The following SLC25A21 variants were observed in gnomAD, a reference collection of about 807,000 sequenced individuals.
The protein encoded by SLC25A21 is mitochondrial 2-oxodicarboxylate carrier.
In SLC25A21, 47 loss-of-function variants were observed where a neutral mutation model predicts 43.8. The observed-to-expected ratio is 1.07, with a 90% CI of 0.85 to 1.37. SLC25A21 has a LOEUF of 1.37. SLC25A21 is among the 40% of genes most tolerant of loss of function. SLC25A21 has a pLI of 0.00. For synonymous variants in SLC25A21, 131 were observed against 121.3 expected (o/e 1.08, Z -0.52); for missense variants, 352 against 350.2 (o/e 1.00, Z -0.04).
chr14:36,895,390 C>A (rs1891209362), intron 1 of SLC25A21, among the ~76,000 whole-genome samples: 1 of 152,024 alleles, frequency 6.6e-6, no homozygotes, highest in South Asian at 2.1e-4. Flanking sequence ...GGTGATATCC[C>A]CTTTATCATT....
intron 1 of SLC25A21, among the ~76,000 whole-genome samples, chr14:36,945,075 C>T (rs919994624): frequency 2.6e-5 from 4 of 152,120 alleles, no homozygotes; most frequent in African/African-American, 7.2e-5. Flanking sequence ...AAACCTCTTT[C>T]CCCTGACTCA....
At chr14:36,804,556 G>T (rs1290783969) in intron 3 of SLC25A21, among the ~76,000 whole-genome samples, 6 of 152,146 alleles carry the variant, frequency 3.9e-5, no homozygotes, top group Non-Finnish European at 8.8e-5. Context: ...TTTCACAAAC[G>T]ATAAAGGACC....
chr14:37,037,577 T>C (rs953853556), intron 1 of SLC25A21, among the ~76,000 whole-genome samples: 3 of 119,192 alleles, frequency 2.5e-5, no homozygotes, highest in Non-Finnish European at 4.9e-5. Flanking sequence ...TTTTCTTTTA[T>C]CCTATTTAAA....
intron 1 of SLC25A21, among the ~76,000 whole-genome samples, chr14:36,934,720 A>AAGAG (rs71124785): frequency 0.017 from 2,611 of 150,742 alleles, 67 homozygotes; most frequent in African/African-American, 0.059. Context: ...ACACAGAGAA[A>AAGAG]AGAGAGAGAG....
At chr14:37,014,791 G>C (rs1960809846) in intron 1 of SLC25A21, among the ~76,000 whole-genome samples, 1 of 152,080 alleles carries the variant, frequency 6.6e-6, no homozygotes, top group African/African-American at 2.4e-5. Flanking sequence ...CAATCCATGG[G>C]CTGCAGAATA....
chr14:36,789,611 T>C (rs1347560571), intron 3 of SLC25A21, among the ~76,000 whole-genome samples: 3 of 147,744 alleles, frequency 2.0e-5, no homozygotes, highest in Non-Finnish European at 4.5e-5. Flanking sequence ...TTAAGAAAAA[T>C]ATAAAAACCT....
chr14:37,047,656 C>T (rs7149490), intron 1 of SLC25A21, among the ~76,000 whole-genome samples: 60,076 of 152,056 alleles, frequency 0.4, 12,656 homozygotes, highest in African/African-American at 0.55. Flanking sequence ...AGTTTTGAAA[C>T]GAATCAGTAA....
At chr14:37,069,537 T>C (rs1471682443) in intron 1 of SLC25A21, among the ~76,000 whole-genome samples, 2 of 152,232 alleles carry the variant, frequency 1.3e-5, no homozygotes, top group Non-Finnish European at 2.9e-5. Context: ...CAGTACCACA[T>C]GCATCCTAAT....
intron 2 of SLC25A21, among the ~76,000 whole-genome samples, chr14:36,840,142 A>G (rs1457514026): frequency 1.3e-5 from 2 of 152,306 alleles, no homozygotes; most frequent in African/African-American, 2.4e-5. Flanking sequence ...CCCGGAGAAC[A>G]TTCTTTGATA....
chr14:36,989,503 ATT>A (rs569204172), intron 1 of SLC25A21, among the ~76,000 whole-genome samples: 13 of 144,754 alleles, frequency 9.0e-5, no homozygotes, highest in African/African-American at 3.2e-4. Flanking sequence ...TAACTAAATC[ATT>A]TTTTTTTTTT....
intron 1 of SLC25A21, among the ~76,000 whole-genome samples, chr14:37,010,178 A>T (rs1278963717): frequency 6.6e-6 from 1 of 152,256 alleles, no homozygotes; most frequent in Non-Finnish European, 1.5e-5. Flanking sequence ...CAAATGGCAC[A>T]GTACAGAACA....
chr14:36,894,107 T>A (rs539109522), intron 1 of SLC25A21, among the ~76,000 whole-genome samples: 3 of 152,224 alleles, frequency 2.0e-5, no homozygotes, highest in Non-Finnish European at 2.9e-5. Context: ...GGGGATGGCA[T>A]TGAATCTATA....
chr14:36,883,916 A>G (rs1273629231), intron 1 of SLC25A21, among the ~76,000 whole-genome samples: 1 of 152,186 alleles, frequency 6.6e-6, no homozygotes, highest in Non-Finnish European at 1.5e-5. Context: ...ACACGTATAC[A>G]TTGTGGAATG....
intron 6 of SLC25A21, among the ~76,000 whole-genome samples, chr14:36,716,096 TAATAAATAAATA>T (rs112429500): frequency 6.6e-6 from 1 of 151,344 alleles, no homozygotes; most frequent in African/African-American, 2.4e-5. Context: ...GTCTCAAAAA[TAATAAATAAATA>T]AATAAATAAA....
At chr14:36,754,397 T>C (rs923548229) in intron 3 of SLC25A21, among the ~76,000 whole-genome samples, 2 of 151,908 alleles carry the variant, frequency 1.3e-5, no homozygotes, top group African/African-American at 4.8e-5. Context: ...CTATATATGA[T>C]AGAAAAAATA....
chr14:36,936,289 A>T (rs1168245449), intron 1 of SLC25A21, among the ~76,000 whole-genome samples: 1 of 152,158 alleles, frequency 6.6e-6, no homozygotes, highest in Non-Finnish European at 1.5e-5. Flanking sequence ...TTATCTCATT[A>T]GGATTTGTGA....
intron 1 of SLC25A21, among the ~76,000 whole-genome samples, chr14:37,018,170 T>C (rs915752618): frequency 6.6e-6 from 1 of 152,044 alleles, no homozygotes; most frequent in Non-Finnish European, 1.5e-5. Context: ...ATGCTTATAG[T>C]ATAATCTTTT....
intron 1 of SLC25A21, among the ~76,000 whole-genome samples, chr14:37,135,572 GCAAATTTACTTGA>G (rs1352004441): frequency 1.3e-5 from 2 of 152,114 alleles, no homozygotes; most frequent in African/African-American, 4.8e-5. Flanking sequence ...CTTGCCCTTG[GCAAATTTACTTGA>G]CATCATTTTT....
At chr14:36,868,285 A>C (rs976418388) in intron 2 of SLC25A21, among the ~76,000 whole-genome samples, 1 of 152,170 alleles carries the variant, frequency 6.6e-6, no homozygotes, top group African/African-American at 2.4e-5. Context: ...AATTATACAC[A>C]CAGCTCTGTT....
Sources: gnomAD v4.1 joint callset for allele counts (sites outside exome capture counted in the v4.1 genomes callset) on GRCh38, gnomAD v4.1.1 for gene constraint, MANE v1.5 for transcripts, NCBI Gene and HGNC (gene_info 2026-07-23, HGNC 2026-07-21) for gene names.